H2BC12: variants seen among roughly 807,000 people sequenced by gnomAD.
The protein encoded by H2BC12 is H2B clustered histone 12, also known as histone H2B type 1-K.
In H2BC12, 6 loss-of-function variants were observed where a neutral mutation model predicts 6.3. The observed-to-expected ratio is 0.95, with a 90% CI of 0.52 to 1.87. The LOEUF (loss-of-function observed/expected upper bound fraction) is 1.87. Ranked by LOEUF, H2BC12 falls within the 40% of genes most tolerant of loss-of-function variation. H2BC12 has a pLI of 0.01. For missense variants in H2BC12, 119 were observed against 178.4 expected (o/e 0.67, Z 1.90); for synonymous variants, 132 against 78.5 (o/e 1.68, Z -3.60).
At chr6:27,144,402 C>T (rs1351714493), downstream of H2BC12, among the ~76,000 whole-genome samples, 2 of 123,886 alleles carry the variant, frequency 1.6e-5, no homozygotes, top group Admixed American at 1.1e-4. Context: ...GCGGAGGTTG[C>T]AGTGAGCCAA....
downstream of H2BC12, among the ~76,000 whole-genome samples, chr6:27,143,317 A>G (rs1479168904): frequency 6.6e-6 from 1 of 152,012 alleles, no homozygotes; most frequent in Non-Finnish European, 1.5e-5. Context: ...GTGCCACTGC[A>G]CTCCAGCCTT....
rs1391457499 is a variant in H2BC12, at chr6:27,146,536, G to A, written c.263C>T (p.Ser88Leu). The A allele has an allele frequency of 1.2e-6, 2 of 1,614,236 alleles. No individual in the cohort carries two copies. Among genetic ancestry groups the A allele is most frequent in the African/African-American group, 1.3e-5 (1 of 75,062 alleles). ...CTGGATCTCCCTGGAGGTGATGGTC[G>A]AGCGCTTGTTGTAATGCGCCAGGCG... ...ASRLAHYNKR[S>L]TITSREIQTA... Residue 88 changes from serine to leucine, a missense_variant, in exon 1 of 1, where the codon TCG becomes TTG. Ser to Leu is a moderately radical substitution (Grantham distance 145). Transcript: ENST00000356950.
rs968199542 is a variant in H2BC12, at chr6:27,146,366, G to A, written c.*52C>T. Reference sequence around the variant, plus strand: ...CAGCTCTAATATCGATAATTTAAGTGGCTCTTAAAAGAGCCTTTGGGGTTG... The same window carrying A: ...CAGCTCTAATATCGATAATTTAAGTAGCTCTTAAAAGAGCCTTTGGGGTTG... On this transcript the variant is annotated 3_prime_UTR_variant, in exon 1 of 1. Transcript: ENST00000356950. 1.4e-5 allele frequency: 23 copies of A among 1,609,188 alleles called. No homozygotes were observed. Among genetic ancestry groups the A allele is most frequent in the Non-Finnish European group, 1.8e-5 (21 of 1,178,270 alleles).
downstream of H2BC12, among the ~76,000 whole-genome samples, chr6:27,142,410 T>TTAC (rs1397686096): frequency 7.0e-6 from 1 of 143,334 alleles, no homozygotes; most frequent in African/African-American, 2.6e-5. Flanking sequence ...GTAGCTGGGA[T>TTAC]TACAGGTGCG....
the H2BC12 span, chr6:27,139,663 T>TA: frequency 1.3e-6 from 2 of 1,565,082 alleles, no homozygotes; most frequent in Non-Finnish European, 1.7e-6. Flanking sequence ...AGGCCCTTTT[T>TA]AGGGCCCCTA....
Position 27,146,747 on chromosome 6 carries a change from C to A in H2BC12, c.52G>T (p.Ala18Ser), listed in dbSNP as rs771936025. ...TCCTTCTTCTGCGCCTTAGTCACGGCTTTCTTCGAGCCCTTCTTGGGCGCG... is the reference window on the plus strand; with the variant it reads ...TCCTTCTTCTGCGCCTTAGTCACGGATTTCTTCGAGCCCTTCTTGGGCGCG... ...APAPKKGSKK[A>S]VTKAQKKDGK... Residue 18 changes from alanine to serine, a missense_variant, in exon 1 of 1, where the codon GCC (alanine) becomes TCC (serine). By Grantham distance (99) the Ala-to-Ser change is moderately conservative. Coordinates refer to ENST00000356950, the MANE Select transcript of H2BC12 (RefSeq NM_001312653.2). The A allele has an allele frequency of 6.2e-7, 1 of 1,614,132 alleles. No homozygotes were observed.
chr6:27,140,525 TTCC>T, the H2BC12 span, among the ~76,000 whole-genome samples: 1 of 152,210 alleles, frequency 6.6e-6, no homozygotes, highest in Admixed American at 6.5e-5. Context: ...TTGATTTTTT[TTCC>T]TCATTACAAA....
the H2BC12 span, chr6:27,139,349 G>A: frequency 6.2e-7 from 1 of 1,613,714 alleles, no homozygotes; most frequent in African/African-American, 1.3e-5. Context: ...CTGGGGAAAG[G>A]GGGTGCCAAG....
At chr6:27,139,205 T>C in the H2BC12 span, 1 of 1,332,838 alleles carries the variant, frequency 7.5e-7, no homozygotes. Flanking sequence ...GCAGAGGGAC[T>C]TCCCGCCAAA....
downstream of H2BC12, among the ~76,000 whole-genome samples, chr6:27,142,358 C>T (rs537426583): frequency 3.3e-5 from 5 of 150,604 alleles, no homozygotes; most frequent in African/African-American, 9.8e-5. Context: ...CTGCAACCTC[C>T]GCCTCCCGGG....
rs762002646 is a variant in H2BC12, at chr6:27,146,836, T to C, written c.-38A>G. ...CTACGAGCCTGAGACGAGCAGCAGA[T>C]CGAGAAAACGGGAAGTAATGGGAGC... On this transcript the variant is annotated 5_prime_UTR_variant, in exon 1 of 1. Coordinates refer to ENST00000356950, the MANE Select transcript of H2BC12 (RefSeq NM_001312653.2). 3 of 1,603,790 alleles carry C rather than the reference T, an allele frequency of 1.9e-6. No homozygotes were observed. The highest frequency in any genetic ancestry group is 2.6e-6 in the Non-Finnish European group (3 of 1,175,314).
chr6:27,145,360 C>T (rs1047880860), downstream of H2BC12, among the ~76,000 whole-genome samples: 28 of 150,164 alleles, frequency 1.9e-4, no homozygotes, highest in African/African-American at 6.6e-4. Flanking sequence ...TGAAACTGGC[C>T]TACATTTCTA....
At chr6:27,140,043 T>C in the H2BC12 span, among the ~76,000 whole-genome samples, 1 of 151,426 alleles carries the variant, frequency 6.6e-6, no homozygotes, top group Non-Finnish European at 1.5e-5. Flanking sequence ...AACTTCGTGG[T>C]GGCTGGTTTA....
At chr6:27,145,231 C>A (rs149580707), downstream of H2BC12, among the ~76,000 whole-genome samples, 899 of 151,956 alleles carry the variant, frequency 5.9e-3, 8 homozygotes, top group Non-Finnish European at 6.2e-3. Flanking sequence ...CTGCTAATCT[C>A]CAAATGCCTA....
At chr6:27,143,356 A>G (rs1257324483), downstream of H2BC12, among the ~76,000 whole-genome samples, 1 of 148,798 alleles carries the variant, frequency 6.7e-6, no homozygotes, top group Non-Finnish European at 1.5e-5. Flanking sequence ...TCTCAAAAAA[A>G]AGAAAAAAAT....
downstream of H2BC12, among the ~76,000 whole-genome samples, chr6:27,142,081 C>G (rs1760012833): frequency 6.6e-6 from 1 of 151,990 alleles, no homozygotes; most frequent in Non-Finnish European, 1.5e-5. Flanking sequence ...TCATCTTATT[C>G]TAATTACAGA....
the H2BC12 span, among the ~76,000 whole-genome samples, chr6:27,140,227 A>G: frequency 6.6e-6 from 1 of 152,220 alleles, no homozygotes; most frequent in African/African-American, 2.4e-5. Flanking sequence ...TGACCACACC[A>G]CTTATTCAAG....
the H2BC12 span, chr6:27,138,650 T>C: frequency 6.6e-6 from 1 of 152,188 alleles, no homozygotes; most frequent in Non-Finnish European, 1.5e-5. Context: ...GCTTTCTTGG[T>C]CATATCAGGA....
chr6:27,145,333 CACACA>C (rs1206473552), downstream of H2BC12, among the ~76,000 whole-genome samples: 19 of 147,500 alleles, frequency 1.3e-4, no homozygotes, highest in African/African-American at 4.2e-4. Context: ...CACACACACA[CACACA>C]AAATTCCCCT....
Sources: gnomAD v4.1 joint callset for allele counts (sites outside exome capture counted in the v4.1 genomes callset) on GRCh38, gnomAD v4.1.1 for gene constraint, MANE v1.5 for transcripts, NCBI Gene and HGNC (gene_info 2026-07-23, HGNC 2026-07-21) for gene names.